The following PPP2R3A variants were observed in gnomAD, a reference collection of about 807,000 sequenced individuals.
PPP2R3A encodes the protein protein phosphatase 2 regulatory subunit B''alpha, also known as serine/threonine-protein phosphatase 2A regulatory subunit B'' subunit alpha.
PPP2R3A carries 80 observed loss-of-function variants against 106.9 expected under a neutral mutation model. The observed-to-expected ratio is 0.75, with a 90% CI of 0.62 to 0.90. The LOEUF is 0.90. PPP2R3A is among the 40% of genes least tolerant of loss of function. PPP2R3A has a pLI of 0.00. For missense variants in PPP2R3A, 1,386 were observed against 1,350.4 expected, an observed-to-expected ratio of 1.03 and a Z score of -0.41; for synonymous variants, 483 against 468.3, an observed-to-expected ratio of 1.03 and a Z score of -0.41.
intron 8 of PPP2R3A, 176 bp from the exon 9 acceptor site, chr3:136,087,707 G>A (rs1936989220): frequency 4.0e-6 from 2 of 501,364 alleles, no homozygotes; most frequent in Non-Finnish European, 7.1e-6. Flanking sequence ...TCATTTGCCT[G>A]TTATTTTTTA....
intron 1 of PPP2R3A, among the ~76,000 whole-genome samples, chr3:135,976,463 A>C (rs1006699036): frequency 5.9e-5 from 9 of 152,202 alleles, no homozygotes; most frequent in Admixed American, 2.0e-4. Flanking sequence ...ATGAGAAGGA[A>C]ATTTAACTTG....
chr3:136,137,569 G>A (rs549251287), intron 13 of PPP2R3A, among the ~76,000 whole-genome samples: 2 of 21,822 alleles, frequency 9.2e-5, no homozygotes, highest in Admixed American at 1.3e-3. Context: ...TGAGATGGAG[G>A]CTCGCTCTGT....
chr3:135,999,659 TACTC>T (rs1399072961), intron 1 of PPP2R3A, among the ~76,000 whole-genome samples: 1 of 152,214 alleles, frequency 6.6e-6, no homozygotes, highest in African/African-American at 2.4e-5. Flanking sequence ...TTTCAAAACT[TACTC>T]AAAGACCTAA....
rs535839019 is a variant in PPP2R3A, at chr3:135,993,165, C to A, written c.-440-7894C>A. Among the ~76,000 whole-genome samples, 7 of 152,178 alleles carry A rather than the reference C, an allele frequency of 4.6e-5. No homozygotes were observed. The South Asian group carries it at 1.5e-3, about 32-fold the overall frequency. ...ACTGCTAAGAAAATGGAAAGAGAAG[C>A]CACAGACTGGGAGATAATATCTGTA... On this transcript the variant is annotated intron_variant, in intron 1 of 13. Coordinates refer to ENST00000264977, the MANE Select transcript of PPP2R3A (RefSeq NM_002718.5).
chr3:136,003,828 T>G (rs1933747129), intron 2 of PPP2R3A, among the ~76,000 whole-genome samples: 1 of 152,220 alleles, frequency 6.6e-6, no homozygotes, highest in South Asian at 2.1e-4. Context: ...AAATAACTTG[T>G]GTGAAACATA....
chr3:136,078,450 G>C lies in PPP2R3A; in HGVS notation c.2628G>C (p.Leu876Phe), dbSNP rs1425394215. ...CAGAGATAAGAAAAAGCAACTTTTT[G>C]CAAGTATGCCTTTCATTAGAATTCA... ...TSTEIRKSNF[L>F]QTLALLEEEE... The change falls in exon 7 of 14, where the codon TTG becomes TTC. Residue 876 changes from leucine (L) to phenylalanine (F), a missense_variant. Physicochemically the swap from Leu to Phe is conservative, Grantham distance 22 (BLOSUM62 0). Transcript: ENST00000264977. 2 of 1,575,192 alleles carry C rather than the reference G, an allele frequency of 1.3e-6. No homozygotes were observed. Among genetic ancestry groups the C allele is most frequent in the East Asian group, 4.5e-5 (2 of 44,592 alleles).
chr3:136,119,918 G>C (rs529915898), intron 13 of PPP2R3A, among the ~76,000 whole-genome samples: 75 of 152,136 alleles, frequency 4.9e-4, no homozygotes, highest in Non-Finnish European at 3.2e-4. Context: ...CGTTTATTGC[G>C]GCACTATTCA....
In PPP2R3A at chr3:136,026,961, A is replaced by T. The variant is rs1314269874; in HGVS notation, c.2125A>T (p.Ile709Phe). The change falls in exon 3 of 14, where the codon ATT becomes TTT. Residue 709 changes from isoleucine (I) to phenylalanine (F), a missense_variant. Transcript: ENST00000264977. ...NVVNAPLSIN[I>F]PRFYFPEGLP... ...TGTGAATGCGCCATTGTCCATAAAC[A>T]TTCCACGGTTCTACTTTCCTGAAGG... The T allele has an allele frequency of 6.2e-7, 1 of 1,613,848 alleles. No homozygotes were observed. Among genetic ancestry groups the T allele is most frequent in the Non-Finnish European group, 8.5e-7 (1 of 1,179,748 alleles).
chr3:136,023,594 TCAATAGATTATATATTAGCGTGCATAC>T (rs1934541344), intron 2 of PPP2R3A, among the ~76,000 whole-genome samples: 1 of 152,290 alleles, frequency 6.6e-6, no homozygotes, highest in South Asian at 2.1e-4. Flanking sequence ...GCACTTTGAA[TCAATAGATTATATATTAGCGTGCATAC>T]ACATCTGTAA....
At chr3:136,129,745 G>A (rs1002541937) in intron 13 of PPP2R3A, among the ~76,000 whole-genome samples, 3 of 152,140 alleles carry the variant, frequency 2.0e-5, no homozygotes, top group Non-Finnish European at 4.4e-5. Flanking sequence ...TATCCCTGAT[G>A]AACATCGATG....
chr3:136,137,996 G>A (rs1010470598), intron 13 of PPP2R3A, among the ~76,000 whole-genome samples: 1 of 152,168 alleles, frequency 6.6e-6, no homozygotes, highest in African/African-American at 2.4e-5. Context: ...GAGAATGTAG[G>A]AGAGGAACAG....
chr3:136,087,842 TTTCTAAC>T, intron 8 of PPP2R3A, 34 bp from the exon 9 acceptor site: 1 of 1,536,842 alleles, frequency 6.5e-7, no homozygotes, highest in African/African-American at 1.4e-5. Context: ...ATGGAGCATG[TTTCTAAC>T]TAGCTTTGCA....
chr3:136,056,179 A>C (rs1935854114), intron 5 of PPP2R3A, among the ~76,000 whole-genome samples: 1 of 152,246 alleles, frequency 6.6e-6, no homozygotes, highest in Non-Finnish European at 1.5e-5. Flanking sequence ...AGAACTGTCA[A>C]GGTCATCAAA....
intron 1 of PPP2R3A, among the ~76,000 whole-genome samples, chr3:135,999,212 G>C (rs1933519727): frequency 1.3e-5 from 2 of 152,208 alleles, no homozygotes; most frequent in African/African-American, 4.8e-5. Flanking sequence ...AGGTACTGTT[G>C]TAAGCATCTG....
chr3:136,070,903 T>C (rs1194462818), intron 6 of PPP2R3A, among the ~76,000 whole-genome samples: 1 of 152,252 alleles, frequency 6.6e-6, no homozygotes. Context: ...GAAAAAAAGA[T>C]TGGTCTCTAG....
At chr3:136,129,770 A>C (rs1938329224) in intron 13 of PPP2R3A, among the ~76,000 whole-genome samples, 1 of 152,160 alleles carries the variant, frequency 6.6e-6, no homozygotes, top group South Asian at 2.1e-4. Flanking sequence ...AATCCTCAAA[A>C]TACTGGCAGG....
chr3:136,067,880 A>T (rs1371788648), intron 5 of PPP2R3A, among the ~76,000 whole-genome samples: 1 of 152,208 alleles, frequency 6.6e-6, no homozygotes, highest in South Asian at 2.1e-4. Flanking sequence ...CAAGATAAAC[A>T]TGGGTCATCT....
rs1013954544 is a variant in PPP2R3A at position 135,982,256 on chromosome 3, A to G, written c.-441+16407A>G. ...AGACATCTGTAAAAAGTTCTGTTTC[A>G]CAATAATGTACTCCAGTTGTGCATC... On this transcript the variant is annotated intron_variant, in intron 1 of 13. Coordinates refer to ENST00000264977, the MANE Select transcript of PPP2R3A (RefSeq NM_002718.5). Among the ~76,000 whole-genome samples the G allele has an allele frequency of 5.4e-5, 8 of 149,026 alleles. No individual in the cohort carries two copies. In the South Asian group the frequency reaches 1.7e-3, roughly 31 times the overall value.
intron 2 of PPP2R3A, chr3:136,023,009 A>G: frequency 6.3e-7 from 1 of 1,592,736 alleles, no homozygotes; most frequent in Non-Finnish European, 8.5e-7. Flanking sequence ...ACAACTTGCT[A>G]AATCTGATTA....
Sources: gnomAD v4.1 joint callset for allele counts (sites outside exome capture counted in the v4.1 genomes callset) on GRCh38, gnomAD v4.1.1 for gene constraint, MANE v1.5 for transcripts, NCBI Gene and HGNC (gene_info 2026-07-23, HGNC 2026-07-21) for gene names.